DYNLRB1: variants seen among roughly 807,000 people sequenced by gnomAD.
DYNLRB1 encodes dynein light chain roadblock-type 1, also known as ROBL/LC7-like 1.
In DYNLRB1, 6 loss-of-function variants were observed where a neutral mutation model predicts 13.5. The observed-to-expected ratio is 0.44, with a 90% confidence interval of 0.24 to 0.88. The LOEUF is 0.88. Among genes scored for constraint, DYNLRB1 ranks in the 40% least tolerant of loss-of-function variants. The probability of loss-of-function intolerance (pLI) is 0.21; values close to 1 mark genes in which losing one functional copy is unlikely to be tolerated. For synonymous variants in DYNLRB1, 43 were observed against 45.0 expected, an observed-to-expected ratio of 0.96 and a Z score of 0.18; for missense variants, 93 against 127.2, an observed-to-expected ratio of 0.73 and a Z score of 1.29.
upstream of DYNLRB1, chr20:34,516,399 C>A: frequency 6.3e-7 from 1 of 1,599,768 alleles, no homozygotes; most frequent in Non-Finnish European, 8.5e-7. Flanking sequence ...TTTGCGCAGG[C>A]GCAGAAAGGC....
intron 1 of DYNLRB1, among the ~76,000 whole-genome samples, chr20:34,517,895 C>T (rs1164235976): frequency 1.3e-5 from 2 of 152,074 alleles, no homozygotes; most frequent in African/African-American, 4.8e-5. Context: ...CCTCAGCCTC[C>T]CAAAGTGCTG....
intron 1 of DYNLRB1, among the ~76,000 whole-genome samples, chr20:34,517,928 C>T (rs1449259022): frequency 6.6e-6 from 1 of 152,256 alleles, no homozygotes; most frequent in South Asian, 2.1e-4. Flanking sequence ...TGAGCCACCA[C>T]GCCTGGCCCA....
chr20:34,528,858 T>C (rs1225221070), intron 2 of DYNLRB1, among the ~76,000 whole-genome samples: 1 of 151,770 alleles, frequency 6.6e-6, no homozygotes, highest in African/African-American at 2.4e-5. Context: ...CCTGTAGTCT[T>C]AGCTACTCAG....
intron 2 of DYNLRB1, among the ~76,000 whole-genome samples, chr20:34,527,379 C>G (rs1980309008): frequency 6.6e-6 from 1 of 152,182 alleles, no homozygotes; most frequent in South Asian, 2.1e-4. Context: ...ATACTTATAT[C>G]TACCTTATAA....
At chr20:34,520,277 G>T (rs1157840919) in intron 1 of DYNLRB1, among the ~76,000 whole-genome samples, 1 of 151,990 alleles carries the variant, frequency 6.6e-6, no homozygotes, top group African/African-American at 2.4e-5. Flanking sequence ...GCTGAGTTTT[G>T]GGGGGATTTT....
intron 1 of DYNLRB1, among the ~76,000 whole-genome samples, chr20:34,522,031 C>T (rs1979762795): frequency 6.6e-6 from 1 of 150,986 alleles, no homozygotes; most frequent in Non-Finnish European, 1.5e-5. Flanking sequence ...GAGACCCTAT[C>T]TCAAAAAAAA....
chr20:34,521,939 G>T (rs1979753152), intron 1 of DYNLRB1, among the ~76,000 whole-genome samples: 1 of 152,082 alleles, frequency 6.6e-6, no homozygotes, highest in African/African-American at 2.4e-5. Flanking sequence ...TCGGGAGGCT[G>T]AAGTGGGAGG....
intron 1 of DYNLRB1, 58 bp downstream of exon 1, chr20:34,516,519 T>A: frequency 6.2e-7 from 1 of 1,606,304 alleles, no homozygotes; most frequent in African/African-American, 1.3e-5. Context: ...CGCCAGGCCT[T>A]CAGTCTTCCG....
rs1402927451 is a variant in DYNLRB1 at position 34,529,915 on chromosome 20, G to T, written c.79+3572G>T. 2.7e-6 allele frequency: 4 copies of T among 1,499,498 alleles called. No individual in the cohort carries two copies. The East Asian group carries it at 1.0e-4, about 39-fold the overall frequency. 92.9% of individuals were successfully genotyped at this position (1,499,498 alleles called of 1,614,324 possible). A position where few individuals can be genotyped will look rare whatever the true frequency, so the allele number is the denominator to read the frequency against. On this transcript the variant is annotated intron_variant, in intron 2 of 3. Transcript: ENST00000357156. Reference sequence around the variant, plus strand: ...AGGCCCCCTGCTCAGGGCTGCCCCTGATCAGTTGGGTGGCCTGAGGCAACT... The same window carrying T: ...AGGCCCCCTGCTCAGGGCTGCCCCTTATCAGTTGGGTGGCCTGAGGCAACT...
intron 1 of DYNLRB1, among the ~76,000 whole-genome samples, chr20:34,518,954 G>A (rs552942482): frequency 6.6e-6 from 1 of 151,654 alleles, no homozygotes; most frequent in South Asian, 2.1e-4. Context: ...GTGCAGTGGT[G>A]TGATCTGAGC....
At chr20:34,515,900 T>C (rs1158250606), upstream of DYNLRB1, among the ~76,000 whole-genome samples, 1 of 152,028 alleles carries the variant, frequency 6.6e-6, no homozygotes, top group African/African-American at 2.4e-5. Context: ...GGTTTTTGTT[T>C]TGTTTTGTTT....
intron 2 of DYNLRB1, among the ~76,000 whole-genome samples, chr20:34,529,614 A>C (rs1980537526): frequency 6.6e-6 from 1 of 151,934 alleles, no homozygotes; most frequent in African/African-American, 2.4e-5. Context: ...CTGTAATCCC[A>C]GCTATTCGGG....
chr20:34,522,015 C>CAA (rs1979760263), intron 1 of DYNLRB1, among the ~76,000 whole-genome samples: 1 of 151,884 alleles, frequency 6.6e-6, no homozygotes, highest in African/African-American at 2.4e-5. Context: ...GCCTGGGTGA[C>CAA]AGAGTGAGAC....
At chr20:34,534,571 G>A in intron 2 of DYNLRB1, 57 bp from the exon 3 acceptor site, 2 of 1,513,680 alleles carry the variant, frequency 1.3e-6, no homozygotes, top group South Asian at 1.3e-5. Flanking sequence ...GGGTGTGGGT[G>A]GGAGCTCGGC....
intron 2 of DYNLRB1, 164 bp downstream of exon 2, chr20:34,526,507 T>TTTTTC: frequency 1.6e-6 from 1 of 630,192 alleles, no homozygotes; most frequent in Non-Finnish European, 2.6e-6. Context: ...TTTTTTTTTT[T>TTTTTC]CATTAAGGCT....
At chr20:34,537,149 T>A (rs943491049) in intron 3 of DYNLRB1, among the ~76,000 whole-genome samples, 1 of 152,128 alleles carries the variant, frequency 6.6e-6, no homozygotes, top group Non-Finnish European at 1.5e-5. Context: ...TGGAGGAGGA[T>A]GAGGTGGCCA....
At chr20:34,526,457 C>A in intron 2 of DYNLRB1, 114 bp downstream of exon 2, 2 of 734,054 alleles carry the variant, frequency 2.7e-6, no homozygotes, top group Non-Finnish European at 3.9e-6. Flanking sequence ...AATTTTAGGC[C>A]TTTTTAATTT....
At chr20:34,534,858 C>T (rs762663576) in intron 3 of DYNLRB1, 63 bp downstream of exon 3, 6 of 1,610,626 alleles carry the variant, frequency 3.7e-6, no homozygotes, top group Non-Finnish European at 5.1e-6. Context: ...TGTGGCTCAT[C>T]AGGAGTCCTG....
At chr20:34,518,829 C>G (rs1472019866) in intron 1 of DYNLRB1, among the ~76,000 whole-genome samples, 2 of 152,098 alleles carry the variant, frequency 1.3e-5, no homozygotes, top group Non-Finnish European at 2.9e-5. Flanking sequence ...TTTCTAGAAC[C>G]TGTATTATGC....
Sources: allele counts gnomAD v4.1 joint callset (sites outside exome capture counted in the v4.1 genomes callset), GRCh38; gene constraint gnomAD v4.1.1; transcripts MANE v1.5; gene names NCBI Gene and HGNC (gene_info 2026-07-23, HGNC 2026-07-21).